Variants in CNBD1 observed in about 807,000 individuals in gnomAD.
The protein encoded by CNBD1 is cyclic nucleotide-binding domain-containing protein 1.
Under a neutral mutation model 54.4 loss-of-function variants are expected in CNBD1, and 71 were observed. The observed-to-expected ratio is 1.30, with a 90% CI of 1.08 to 1.59. The LOEUF is 1.59. CNBD1 is among the 40% of genes most tolerant of loss of function. The probability of loss-of-function intolerance (pLI) is 0.00; values close to 1 mark genes in which losing one functional copy is unlikely to be tolerated. For synonymous variants in CNBD1, 182 were observed against 170.7 expected, an observed-to-expected ratio of 1.07 and a Z score of -0.51; for missense variants, 659 against 518.0, an observed-to-expected ratio of 1.27 and a Z score of -2.64.
chr8:87,012,919 G>A (rs1038127115), intron 4 of CNBD1, among the ~76,000 whole-genome samples: 1 of 152,118 alleles, frequency 6.6e-6, no homozygotes, highest in Non-Finnish European at 1.5e-5. Context: ...CAATCACCCT[G>A]GGCACATGTT....
chr8:87,205,064 C>T (rs1772764234), intron 4 of CNBD1, among the ~76,000 whole-genome samples: 1 of 151,970 alleles, frequency 6.6e-6, no homozygotes, highest in Non-Finnish European at 1.5e-5. Context: ...ACCAGATGGG[C>T]CAACACTATG....
downstream of CNBD1, among the ~76,000 whole-genome samples, chr8:87,387,549 G>C (rs1045920872): frequency 1.3e-5 from 2 of 152,144 alleles, no homozygotes; most frequent in South Asian, 4.2e-4. Flanking sequence ...TCAACAAGAA[G>C]AGCTAACTAT....
chr8:87,424,908 C>T (rs955120598), intron 2 of CNBD1, among the ~76,000 whole-genome samples: 5 of 152,126 alleles, frequency 3.3e-5, no homozygotes, highest in African/African-American at 9.7e-5. Context: ...TAATATCCTG[C>T]AGAGTGTTTT....
intron 3 of CNBD1, among the ~76,000 whole-genome samples, chr8:86,938,446 A>G (rs1300449176): frequency 1.3e-5 from 2 of 151,120 alleles, no homozygotes; most frequent in East Asian, 1.9e-4. Context: ...CATACCCAAA[A>G]CTGGGAAATT....
rs79465062 is a variant in CNBD1, at chr8:87,362,658, T to A, written c.1303+8872T>A. Among the ~76,000 whole-genome samples, 294 of 152,164 alleles carry A rather than the reference T, an allele frequency of 1.9e-3. 3 individuals are homozygous for A. The East Asian group carries it at 0.05, about 26-fold the overall frequency. Reference sequence around the variant, plus strand: ...GTCTACTCCATGGCAAGTCATGGACTGCAGTTTTTAGTAATGGAATCTTTA... The same window carrying A: ...GTCTACTCCATGGCAAGTCATGGACAGCAGTTTTTAGTAATGGAATCTTTA... On this transcript the variant is annotated intron_variant, in intron 10 of 10. Coordinates refer to ENST00000518476, the MANE Select transcript of CNBD1 (RefSeq NM_173538.3).
chr8:87,281,657 AT>A (rs1808605070), intron 6 of CNBD1, among the ~76,000 whole-genome samples: 1 of 146,054 alleles, frequency 6.8e-6, no homozygotes, highest in African/African-American at 2.5e-5. Context: ...CTTAAAATGT[AT>A]TTATTTCTAC....
rs1586013464 is a variant in CNBD1, at chr8:87,324,283, G to T, written c.1043-27402G>T. 2.3e-5 allele frequency among the ~76,000 whole-genome samples: 3 copies of T among 127,828 alleles called. 1 individual carries two copies. Among genetic ancestry groups the T allele is most frequent in the Non-Finnish European group, 5.2e-5 (3 of 57,254 alleles). 83.9% of individuals were successfully genotyped at this position (127,828 alleles called of 152,430 possible). ...AATTCTCTTTTTTGGTTGTGTCTCT[G>T]CCCGGCTTTGGTATCAGAATGATGC... is the stretch of plus-strand genomic sequence containing the variant. On this transcript the variant is annotated intron_variant, in intron 8 of 10. Coordinates refer to ENST00000518476, the MANE Select transcript of CNBD1 (RefSeq NM_173538.3).
chr8:87,404,722 C>T (rs1193478404), intron 2 of CNBD1, among the ~76,000 whole-genome samples: 2 of 152,104 alleles, frequency 1.3e-5, no homozygotes, highest in Admixed American at 6.6e-5. Context: ...TGGAAATCCT[C>T]ATATTCTCTT....
chr8:87,165,646 G>T (rs1348750726), intron 4 of CNBD1, among the ~76,000 whole-genome samples: 1 of 151,796 alleles, frequency 6.6e-6, no homozygotes, highest in Non-Finnish European at 1.5e-5. Context: ...TGTCCTTAAA[G>T]CTAAAGTGAT....
At chr8:87,294,108 G>C (rs1185370058) in intron 8 of CNBD1, among the ~76,000 whole-genome samples, 3 of 152,110 alleles carry the variant, frequency 2.0e-5, no homozygotes, top group African/African-American at 7.2e-5. Context: ...ATAGTTGAAA[G>C]GAGAGAGGTA....
At chr8:87,422,303 C>A (rs1248687026) in intron 2 of CNBD1, among the ~76,000 whole-genome samples, 2 of 146,106 alleles carry the variant, frequency 1.4e-5, no homozygotes, top group African/African-American at 5.3e-5. Context: ...TCAATTTTGT[C>A]TTTTGTTGCC....
intron 10 of CNBD1, among the ~76,000 whole-genome samples, chr8:87,368,059 G>A (rs1810679210): frequency 6.6e-6 from 1 of 152,020 alleles, no homozygotes; most frequent in South Asian, 2.1e-4. Context: ...CTACTCAGGA[G>A]GCTGAGGCAG....
At chr8:87,347,144 C>T (rs958467388) in intron 8 of CNBD1, among the ~76,000 whole-genome samples, 1 of 152,132 alleles carries the variant, frequency 6.6e-6, no homozygotes, top group African/African-American at 2.4e-5. Flanking sequence ...CAGACAGATA[C>T]AACTGTACAC....
At chr8:86,920,338 A>G (rs1748106013) in intron 3 of CNBD1, among the ~76,000 whole-genome samples, 1 of 152,200 alleles carries the variant, frequency 6.6e-6, no homozygotes, top group Non-Finnish European at 1.5e-5. Flanking sequence ...AGAAAAAGAG[A>G]GAAAGAGGTA....
At chr8:87,136,403 T>A (rs1409395651) in intron 4 of CNBD1, among the ~76,000 whole-genome samples, 2 of 149,242 alleles carry the variant, frequency 1.3e-5, no homozygotes, top group Non-Finnish European at 3.0e-5. Flanking sequence ...TACAGGTAGA[T>A]TTTTATGGGA....
intron 4 of CNBD1, among the ~76,000 whole-genome samples, chr8:86,944,580 G>T (rs1456512978): frequency 5.3e-5 from 8 of 152,146 alleles, no homozygotes; most frequent in Non-Finnish European, 1.0e-4. Context: ...TTGCAACATG[G>T]TCTGCAAATA....
At chr8:87,137,410 G>T (rs1267021419) in intron 4 of CNBD1, among the ~76,000 whole-genome samples, 2 of 151,280 alleles carry the variant, frequency 1.3e-5, no homozygotes. Context: ...CACTGTGTTA[G>T]CCAGGATGAT....
At chr8:87,018,959 T>C (rs1354988750) in intron 4 of CNBD1, among the ~76,000 whole-genome samples, 1 of 152,182 alleles carries the variant, frequency 6.6e-6, no homozygotes, top group Non-Finnish European at 1.5e-5. Flanking sequence ...ACCCCAACCA[T>C]AAAAATTTTC....
At chr8:86,989,959 G>A (rs962646147) in intron 4 of CNBD1, among the ~76,000 whole-genome samples, 1 of 152,084 alleles carries the variant, frequency 6.6e-6, no homozygotes, top group Non-Finnish European at 1.5e-5. Flanking sequence ...ATCATGTTGA[G>A]CATTTTTTCA....
Sources: allele counts gnomAD v4.1 joint callset (sites outside exome capture counted in the v4.1 genomes callset), GRCh38; gene constraint gnomAD v4.1.1; transcripts MANE v1.5; gene names NCBI Gene and HGNC (gene_info 2026-07-23, HGNC 2026-07-21).